Variants in GABRA3 observed in about 807,000 individuals in gnomAD.
The protein encoded by GABRA3 is gamma-aminobutyric acid receptor subunit alpha-3.
In GABRA3, 10 loss-of-function variants were observed where a neutral mutation model predicts 30.1. The ratio of observed to expected loss-of-function variants is 0.33; its 90% confidence interval spans 0.20 to 0.56. The LOEUF is 0.56. Ranked by LOEUF, GABRA3 falls within the 20% of genes least tolerant of loss-of-function variation. The probability of loss-of-function intolerance (pLI) is 0.89; values close to 1 mark genes in which losing one functional copy is unlikely to be tolerated. For missense variants in GABRA3, 233 were observed against 392.0 expected (o/e 0.59, Z 3.42); for synonymous variants, 151 against 146.8 (o/e 1.03, Z -0.21).
At chrX:152,426,971 C>T (rs1237161126) in intron 1 of GABRA3, among the ~76,000 whole-genome samples, 1 of 111,623 alleles carries the variant, frequency 9.0e-6, no homozygotes, top group Non-Finnish European at 1.9e-5. Context: ...ATTGTTGAAA[C>T]ATGATCTGTG....
chrX:152,222,186 G>A (rs1008608469), intron 6 of GABRA3, among the ~76,000 whole-genome samples: 1 of 109,943 alleles, frequency 9.1e-6, no homozygotes, highest in Non-Finnish European at 1.9e-5. Flanking sequence ...GAACATACGT[G>A]TGCATGTGTC....
intron 6 of GABRA3, among the ~76,000 whole-genome samples, chrX:152,211,031 T>C (rs913077562): frequency 9.0e-6 from 1 of 111,115 alleles, no homozygotes; most frequent in Non-Finnish European, 1.9e-5. Context: ...TTAGTACATA[T>C]GCTTGGGGTA....
intron 3 of GABRA3, among the ~76,000 whole-genome samples, chrX:152,329,560 G>C (rs1284657889): frequency 9.0e-6 from 1 of 111,715 alleles, no homozygotes; most frequent in Non-Finnish European, 1.9e-5. Flanking sequence ...TCAACCATCT[G>C]ATCTTTGATA....
chrX:152,264,639 T>G (rs1938789693), intron 4 of GABRA3, among the ~76,000 whole-genome samples: 1 of 111,126 alleles, frequency 9.0e-6, no homozygotes, highest in Non-Finnish European at 1.9e-5. Flanking sequence ...AGTAAGTCCT[T>G]GCTTACTACT....
intron 9 of GABRA3, among the ~76,000 whole-genome samples, chrX:152,184,702 A>G (rs1415691548): frequency 9.0e-6 from 1 of 111,326 alleles, no homozygotes; most frequent in Non-Finnish European, 1.9e-5. Context: ...ATCAATGTTC[A>G]TTCTTCTATA....
chrX:152,258,186 G>A (rs1348390717), intron 4 of GABRA3, among the ~76,000 whole-genome samples: 5 of 111,808 alleles, frequency 4.5e-5, no homozygotes, highest in Non-Finnish European at 9.4e-5. Context: ...AATTATAAAG[G>A]TTATGAGGGG....
At chrX:152,199,123 T>A (rs1603206770) in intron 7 of GABRA3, among the ~76,000 whole-genome samples, 1 of 110,571 alleles carries the variant, frequency 9.0e-6, no homozygotes, top group African/African-American at 3.3e-5. Context: ...TCCCAGCACT[T>A]TGGGAGGCCA....
chrX:152,187,901 T>A (rs993975712), intron 9 of GABRA3, among the ~76,000 whole-genome samples: 1 of 112,245 alleles, frequency 8.9e-6, no homozygotes, highest in Non-Finnish European at 1.9e-5. Context: ...GTAATAAATG[T>A]CTTAATGGAG....
chrX:152,197,011 T>C (rs1302283783), intron 8 of GABRA3, among the ~76,000 whole-genome samples: 1 of 112,339 alleles, frequency 8.9e-6, no homozygotes, highest in Non-Finnish European at 1.9e-5. Context: ...AAAAAATTAA[T>C]ATTTATCTCC....
chrX:152,446,046 A>G (rs1204009867), intron 1 of GABRA3, among the ~76,000 whole-genome samples: 1 of 112,076 alleles, frequency 8.9e-6, no homozygotes, highest in Non-Finnish European at 1.9e-5. Context: ...TCCTGTGGAC[A>G]TGAGCCTGGA....
At chrX:152,444,041 G>A (rs938690060) in intron 1 of GABRA3, among the ~76,000 whole-genome samples, 8 of 110,965 alleles carry the variant, frequency 7.2e-5, no homozygotes, top group Non-Finnish European at 9.4e-5. Flanking sequence ...CTGGACTAGG[G>A]ATTTAGAGGT....
chrX:152,277,642 C>A (rs1939111913), intron 4 of GABRA3, among the ~76,000 whole-genome samples: 1 of 111,921 alleles, frequency 8.9e-6, no homozygotes, highest in South Asian at 3.7e-4. Context: ...TCCTTCCTTG[C>A]AAATTGATCC....
intron 3 of GABRA3, among the ~76,000 whole-genome samples, chrX:152,335,472 G>A (rs751251824): frequency 9.8e-5 from 11 of 111,724 alleles, no homozygotes; most frequent in Non-Finnish European, 1.9e-4. Flanking sequence ...AGATACATTG[G>A]ATGTACAGGC....
intron 3 of GABRA3, among the ~76,000 whole-genome samples, chrX:152,314,271 G>A (rs5970269): frequency 0.21 from 23,464 of 110,434 alleles, 2,275 homozygotes; most frequent in African/African-American, 0.38. Flanking sequence ...ACTACATTTA[G>A]CTTCTTGAGG....
At chrX:152,303,067 T>C (rs1208968038) in intron 3 of GABRA3, among the ~76,000 whole-genome samples, 2 of 111,839 alleles carry the variant, frequency 1.8e-5, no homozygotes, top group African/African-American at 6.5e-5. Context: ...TTTGGTAGAA[T>C]TATTTATTTT....
At chrX:152,370,465 G>A (rs1164026425) in intron 1 of GABRA3, among the ~76,000 whole-genome samples, 2 of 111,869 alleles carry the variant, frequency 1.8e-5, no homozygotes, top group Non-Finnish European at 3.8e-5. Flanking sequence ...ATTCATAAAG[G>A]TTTTCAAGAC....
intron 7 of GABRA3, 51 bp downstream of exon 7, chrX:152,207,950 G>C (rs772682096): frequency 8.4e-6 from 9 of 1,068,944 alleles, no homozygotes; most frequent in Admixed American, 7.0e-5. Flanking sequence ...ACAGTGACTG[G>C]CATGTGGTAT....
intron 4 of GABRA3, among the ~76,000 whole-genome samples, chrX:152,268,572 A>C (rs377441611): frequency 1.5e-4 from 17 of 112,033 alleles, no homozygotes; most frequent in African/African-American, 5.5e-4. Flanking sequence ...GAATGGACTA[A>C]TACACTTTGC....
At chrX:152,213,210 C>G (rs1297524567) in intron 6 of GABRA3, among the ~76,000 whole-genome samples, 1 of 111,745 alleles carries the variant, frequency 8.9e-6, no homozygotes, top group Non-Finnish European at 1.9e-5. Context: ...GAAAGCATTT[C>G]TTTTGAAATA....
Sources: allele counts gnomAD v4.1 joint callset (sites outside exome capture counted in the v4.1 genomes callset), GRCh38; gene constraint gnomAD v4.1.1; transcripts MANE v1.5; gene names NCBI Gene and HGNC (gene_info 2026-07-23, HGNC 2026-07-21).